Variants in ACAP2 observed in about 807,000 individuals in gnomAD.
The protein encoded by ACAP2 is arf-GAP with coiled-coil, ANK repeat and PH domain-containing protein 2.
Under a neutral mutation model 115.8 loss-of-function variants are expected in ACAP2, and 39 were observed. The observed-to-expected ratio is 0.34, with a 90% CI of 0.26 to 0.44. The LOEUF is 0.44. Among genes scored for constraint, ACAP2 ranks in the 20% least tolerant of loss-of-function variants. ACAP2 has a pLI of 1.00. For synonymous variants in ACAP2, 289 were observed against 315.8 expected, an observed-to-expected ratio of 0.92 and a Z score of 0.90; for missense variants, 662 against 927.6, an observed-to-expected ratio of 0.71 and a Z score of 3.72.
At chr3:195,414,927 C>G (rs1410451305) in intron 1 of ACAP2, among the ~76,000 whole-genome samples, 1 of 152,068 alleles carries the variant, frequency 6.6e-6, no homozygotes, top group Non-Finnish European at 1.5e-5. Context: ...TAAAAAAAGA[C>G]AAAAACTATG....
Position 195,424,743 on chromosome 3 carries a change from T to A in ACAP2, c.53+18052A>T, listed in dbSNP as rs926240951. Among the ~76,000 whole-genome samples the A allele has an allele frequency of 2.2e-4, 33 of 151,474 alleles. 1 individual carries two copies. Among genetic ancestry groups the A allele is most frequent in the African/African-American group, 7.0e-4 (29 of 41,296 alleles). On this transcript the variant is annotated intron_variant, in intron 1 of 22. Coordinates refer to ENST00000326793, the MANE Select transcript of ACAP2 (RefSeq NM_012287.6). ...CCAGCCTGGGCAACACAGTGAGATT[T>A]CGTCTCTACAAAAAATTTAAAAAAT...
chr3:195,419,771 T>C (rs974636083), intron 1 of ACAP2, among the ~76,000 whole-genome samples: 1 of 152,222 alleles, frequency 6.6e-6, no homozygotes, highest in African/African-American at 2.4e-5. Flanking sequence ...TGTCTCTCAT[T>C]ATTATCTAGT....
intron 4 of ACAP2, among the ~76,000 whole-genome samples, chr3:195,361,158 G>A (rs953105350): frequency 6.6e-6 from 1 of 152,166 alleles, no homozygotes; most frequent in Non-Finnish European, 1.5e-5. Flanking sequence ...AACTGGGCTG[G>A]GCACAGTGGC....
intron 17 of ACAP2, 108 bp downstream of exon 17, chr3:195,295,600 C>G: frequency 8.5e-7 from 1 of 1,176,730 alleles, no homozygotes; most frequent in Non-Finnish European, 1.2e-6. Flanking sequence ...TAGAAGGGAA[C>G]AGGTTTTTAA....
intron 4 of ACAP2, 50 bp downstream of exon 4, chr3:195,380,959 A>T: frequency 6.7e-7 from 1 of 1,487,072 alleles, no homozygotes; most frequent in Non-Finnish European, 9.2e-7. Flanking sequence ...CTCAAGAAAA[A>T]TACTAAAATG....
At chr3:195,407,384 A>T (rs925828923) in intron 1 of ACAP2, among the ~76,000 whole-genome samples, 6 of 152,046 alleles carry the variant, frequency 3.9e-5, no homozygotes, top group Non-Finnish European at 7.4e-5. Flanking sequence ...AAAATACATT[A>T]AAAATATAGT....
chr3:195,414,075 T>A (rs1713514495), intron 1 of ACAP2, among the ~76,000 whole-genome samples: 1 of 151,982 alleles, frequency 6.6e-6, no homozygotes, highest in Non-Finnish European at 1.5e-5. Flanking sequence ...CTCCACATAA[T>A]ATGTCGTTAG....
intron 9 of ACAP2, 57 bp from the exon 10 acceptor site, chr3:195,320,870 G>A (rs1729403945): frequency 8.7e-7 from 1 of 1,152,530 alleles, no homozygotes; most frequent in Non-Finnish European, 1.3e-6. Context: ...TCCTAGACAA[G>A]AAATGGATCC....
chr3:195,392,075 A>T lies in ACAP2; in HGVS notation c.111+15T>A, dbSNP rs763272841. On this transcript the variant is annotated intron_variant, in intron 2 of 22. Coordinates refer to ENST00000326793, the MANE Select transcript of ACAP2 (RefSeq NM_012287.6). ...CGAGAATCAATGTTTCAAAAAGCTA[A>T]CTTGTAAAATTTACCTTATCAAGTT... 2.5e-6 allele frequency: 4 copies of T among 1,606,370 alleles called. No homozygotes were observed. Among genetic ancestry groups the T allele is most frequent in the Non-Finnish European group, 2.6e-6 (3 of 1,173,978 alleles).
intron 1 of ACAP2, among the ~76,000 whole-genome samples, chr3:195,408,471 G>GA (rs201653818): frequency 4.1e-4 from 62 of 150,810 alleles, no homozygotes; most frequent in African/African-American, 1.3e-3. Context: ...CTCAAAAAAA[G>GA]AAAAAAAAAT....
chr3:195,422,632 C>A (rs1220443004), intron 1 of ACAP2, among the ~76,000 whole-genome samples: 1 of 151,968 alleles, frequency 6.6e-6, no homozygotes, highest in African/African-American at 2.4e-5. Flanking sequence ...CACTACTACA[C>A]CTGGCTAATT....
At chr3:195,298,004 G>A (rs979205478) in intron 15 of ACAP2, among the ~76,000 whole-genome samples, 11 of 152,112 alleles carry the variant, frequency 7.2e-5, no homozygotes, top group Admixed American at 1.3e-4. Flanking sequence ...GTTTTCCCAA[G>A]AGCAGATCAC....
chr3:195,442,972 G>GACGACTAGTCAGGCCCCAGTCCCGCC lies in ACAP2; in HGVS notation c.-126_-125insGGCGGGACTGGGGCCTGACTAGTCGT. The stretch of plus-strand genomic sequence containing the variant: ...AGCGTTGCGCGGAGCTGCGAAGGGC[G>GACGACTAGTCAGGCCCCAGTCCCGCC]CCTCGCCCGCTGGTCATAGCAGCCG... On this transcript the variant is annotated 5_prime_UTR_variant, in exon 1 of 23. An upstream open reading frame in the 5' UTR gains an earlier in-frame stop. Transcript: ENST00000326793. The GACGACTAGTCAGGCCCCAGTCCCGCC allele has an allele frequency of 1.2e-6, 1 of 835,640 alleles. No homozygotes were observed. Among genetic ancestry groups the GACGACTAGTCAGGCCCCAGTCCCGCC allele is most frequent in the Non-Finnish European group, 1.7e-6 (1 of 578,884 alleles). 51.8% of individuals were successfully genotyped at this position (835,640 alleles called of 1,614,324 possible).
chr3:195,302,485 GA>G (rs1436112468), intron 13 of ACAP2, among the ~76,000 whole-genome samples: 1 of 152,110 alleles, frequency 6.6e-6, no homozygotes, highest in African/African-American at 2.4e-5. Context: ...GGAGACAGAG[GA>G]AATAGGTAAG....
At chr3:195,356,996 A>G (rs1018662879) in intron 4 of ACAP2, among the ~76,000 whole-genome samples, 5 of 151,900 alleles carry the variant, frequency 3.3e-5, no homozygotes, top group African/African-American at 9.7e-5. Context: ...ACCACCTCAA[A>G]CATAGTTGGG....
chr3:195,399,848 T>TA (rs1490247454), intron 1 of ACAP2, among the ~76,000 whole-genome samples: 1 of 151,896 alleles, frequency 6.6e-6, no homozygotes, highest in Non-Finnish European at 1.5e-5. Flanking sequence ...ATTTAAAAAA[T>TA]AAAAAAATTT....
intron 4 of ACAP2, chr3:195,357,720 T>C (rs1432457387): frequency 6.6e-6 from 1 of 152,250 alleles, no homozygotes; most frequent in Admixed American, 6.5e-5. Flanking sequence ...TTCCAGATGT[T>C]ATCCAAGACC....
intron 4 of ACAP2, among the ~76,000 whole-genome samples, chr3:195,347,436 C>G (rs1538768): frequency 0.24 from 36,162 of 152,022 alleles, 5,044 homozygotes; most frequent in East Asian, 0.71. Context: ...AGAAGTCACA[C>G]ATACACACAC....
At chr3:195,410,791 T>C (rs1317100787) in intron 1 of ACAP2, 1 of 155,830 alleles carries the variant, frequency 6.4e-6, no homozygotes, top group Non-Finnish European at 1.4e-5. Context: ...GGTGGGGCCT[T>C]TGGGGAAGTG....
Sources: allele counts gnomAD v4.1 joint callset (sites outside exome capture counted in the v4.1 genomes callset), GRCh38; gene constraint gnomAD v4.1.1; transcripts MANE v1.5; gene names NCBI Gene and HGNC (gene_info 2026-07-23, HGNC 2026-07-21).